The following POLR3B variants were observed in gnomAD, a reference collection of about 807,000 sequenced individuals.
The protein encoded by POLR3B is DNA-directed RNA polymerase III subunit RPC2.
POLR3B carries 96 observed loss-of-function variants against 147.4 expected under a neutral mutation model. The ratio of observed to expected loss-of-function variants is 0.65; its 90% CI spans 0.55 to 0.77. POLR3B has a LOEUF of 0.77. Among genes scored for constraint, POLR3B ranks in the 30% least tolerant of loss-of-function variants. The probability of loss-of-function intolerance (pLI) is 0.00; values close to 1 mark genes in which losing one functional copy is unlikely to be tolerated. For missense variants in POLR3B, 1,036 were observed against 1,413.5 expected (o/e 0.73, Z 4.28); for synonymous variants, 461 against 485.9 (o/e 0.95, Z 0.67).
intron 23 of POLR3B, among the ~76,000 whole-genome samples, chr12:106,493,417 CT>C (rs1350187315): frequency 1.3e-5 from 2 of 152,174 alleles, no homozygotes; most frequent in Non-Finnish European, 2.9e-5. Context: ...AAAGATAAGT[CT>C]GGTTCTAAGA....
chr12:106,372,496 C>T (rs2036621770), intron 6 of POLR3B, among the ~76,000 whole-genome samples: 1 of 151,830 alleles, frequency 6.6e-6, no homozygotes, highest in Non-Finnish European at 1.5e-5. Flanking sequence ...CGCCACCACG[C>T]CTGGCTAATT....
At chr12:106,383,611 A>G (rs1201168630) in intron 9 of POLR3B, among the ~76,000 whole-genome samples, 1 of 152,150 alleles carries the variant, frequency 6.6e-6, no homozygotes, top group Non-Finnish European at 1.5e-5. Context: ...CAACACACAC[A>G]TTTATAGATT....
At position 106,393,078 on chromosome 12, in the gene POLR3B, A is replaced by T. The variant is rs201822852; in HGVS notation, c.771A>T (p.Thr257=). The T allele has an allele frequency of 2.2e-5, 35 of 1,614,234 alleles. No individual in the cohort carries two copies. The East Asian group carries it at 7.6e-4, about 35-fold the overall frequency. Residue 257 remains threonine, a synonymous_variant, in exon 10 of 28, where the codon ACA becomes ACT. Transcript: ENST00000228347. ...SDQEIVQMIG[T]EEHVMAAFGP... ...AGGAAATTGTGCAGATGATTGGAAC[A>T]GAGGAGCACGTGATGGCTGCATTTG...
At chr12:106,428,596 T>A (rs567068895) in intron 13 of POLR3B, among the ~76,000 whole-genome samples, 10 of 152,204 alleles carry the variant, frequency 6.6e-5, no homozygotes, top group Non-Finnish European at 1.3e-4. Flanking sequence ...ATCTACTTGC[T>A]GCTTGCCAAC....
chr12:106,464,038 C>A (rs532044311), intron 23 of POLR3B, among the ~76,000 whole-genome samples: 7 of 152,112 alleles, frequency 4.6e-5, no homozygotes, highest in African/African-American at 1.4e-4. Context: ...TATCCGTCCC[C>A]TTGTTTACAG....
In POLR3B at chr12:106,430,388, A is replaced by G. The variant is rs1437588427; in HGVS notation, c.1379A>G (p.Glu460Gly). 1 of 1,613,850 alleles carries G rather than the reference A, an allele frequency of 6.2e-7. No individual in the cohort carries two copies. Among genetic ancestry groups the G allele is most frequent in the Non-Finnish European group, 8.5e-7 (1 of 1,179,950 alleles). ...GMMTRISSQF[E>G]KTRKVSGPRS... The stretch of plus-strand genomic sequence containing the variant: ...ATGACAAGAATCTCTTCCCAGTTTG[A>G]AAAAACGAGAAAAGTGAGTGGTCCT... The change falls in exon 14 of 28, where the codon GAA (glutamate) becomes GGA (glycine). Residue 460 changes from glutamate to glycine, a missense_variant. Glu to Gly is a moderately conservative substitution (Grantham distance 98). Transcript: ENST00000228347.
rs551180371 is a variant in POLR3B at position 106,492,164 on chromosome 12, T to C, written c.2714-3891T>C. ...ACCATTTTTTTCTTCTTTTCTTACC[T>C]TTTTTTTTCCTGCTTAAGATAGTCC... On this transcript the variant is annotated intron_variant, in intron 23 of 27. Coordinates refer to ENST00000228347, the MANE Select transcript of POLR3B (RefSeq NM_018082.6). Among the ~76,000 whole-genome samples, 128 of 151,640 alleles carry C rather than the reference T, an allele frequency of 8.4e-4. 1 individual carries two copies. The highest frequency in any genetic ancestry group is 2.9e-3 in the African/African-American group (118 of 41,354).
At chr12:106,454,450 A>G in intron 19 of POLR3B, 52 bp from the exon 20 acceptor site, 1 of 873,282 alleles carries the variant, frequency 1.1e-6, no homozygotes, top group South Asian at 1.3e-5. Flanking sequence ...TTACTACCTT[A>G]TTATTTCACA....
intron 23 of POLR3B, among the ~76,000 whole-genome samples, chr12:106,488,877 C>T (rs2038375624): frequency 6.6e-6 from 1 of 152,130 alleles, no homozygotes; most frequent in Non-Finnish European, 1.5e-5. Flanking sequence ...CAAAAATTAT[C>T]TGACAGCCCA....
Position 106,405,874 on chromosome 12 carries a change from G to A in POLR3B, c.864G>A (p.Gly288=), listed in dbSNP as rs376166938. ...FTQMQALKYI[G]NKVRRQRMWG... ...TTTTATAGGCATTAAAATATATAGG[G>A]AACAAAGTAAGAAGGCAAAGGATGT... The change falls in exon 11 of 28, where the codon GGG becomes GGA. Residue 288 remains glycine (G), a synonymous_variant. Coordinates refer to ENST00000228347, the MANE Select transcript of POLR3B (RefSeq NM_018082.6). 1.2e-6 allele frequency: 2 copies of A among 1,613,050 alleles called. No homozygotes were observed.
chr12:106,413,654 A>ATT (rs902155226), intron 12 of POLR3B, among the ~76,000 whole-genome samples: 1 of 146,536 alleles, frequency 6.8e-6, no homozygotes, highest in African/African-American at 2.5e-5. Context: ...AATTTCTTTT[A>ATT]TTTTTTTTTT....
chr12:106,437,365 GA>G (rs1385083448), intron 17 of POLR3B, among the ~76,000 whole-genome samples: 1 of 152,146 alleles, frequency 6.6e-6, no homozygotes, highest in Non-Finnish European at 1.5e-5. Flanking sequence ...TTTCTGGTAA[GA>G]AAAGGACTTA....
intron 19 of POLR3B, among the ~76,000 whole-genome samples, chr12:106,447,361 G>A (rs1176010980): frequency 1.3e-5 from 2 of 152,102 alleles, no homozygotes; most frequent in African/African-American, 4.8e-5. Context: ...TACCTTCTAT[G>A]TAAGAGAGCT....
rs750692716 is a variant in POLR3B, at chr12:106,380,117, T to G, written c.701T>G (p.Ile234Arg). The part of the protein sequence containing the change: ...YLRHNTLSED[I>R]PIVIIFKAMG... Reference sequence around the variant, plus strand: ...AGGCATAATACTTTGTCAGAAGATATACCCATTGTCATCATATTTAAGGTA... The same window carrying G: ...AGGCATAATACTTTGTCAGAAGATAGACCCATTGTCATCATATTTAAGGTA... The change falls in exon 9 of 28, where the codon ATA becomes AGA. Residue 234 changes from isoleucine (I) to arginine (R), a missense_variant. Coordinates refer to ENST00000228347, the MANE Select transcript of POLR3B (RefSeq NM_018082.6). 1 of 1,593,302 alleles carries G rather than the reference T, an allele frequency of 6.3e-7. No individual in the cohort carries two copies. The highest frequency in any genetic ancestry group is 1.3e-5 in the African/African-American group (1 of 74,654).
At chr12:106,496,544 C>T in intron 24 of POLR3B, 1 of 611,280 alleles carries the variant, frequency 1.6e-6, no homozygotes, top group Non-Finnish European at 2.9e-6. Flanking sequence ...TCAGTTTCTT[C>T]ATCTGTAAAA....
rs532887677 is a variant in POLR3B, at chr12:106,466,690, A to T, written c.2713+3070A>T. Among the ~76,000 whole-genome samples, 3 of 152,254 alleles carry T rather than the reference A, an allele frequency of 2.0e-5. No homozygotes were observed. The East Asian group carries it at 5.8e-4, about 29-fold the overall frequency. ...CATATGGCTAGCCAGTTTTCCCAAC[A>T]CCATTTATTAAATAGGGAATTTTTT... On this transcript the variant is annotated intron_variant, in intron 23 of 27. Transcript: ENST00000228347.
intron 19 of POLR3B, among the ~76,000 whole-genome samples, chr12:106,449,394 A>G (rs567654293): frequency 6.6e-6 from 1 of 152,258 alleles, no homozygotes; most frequent in Non-Finnish European, 1.5e-5. Context: ...TGACTCTTGA[A>G]CAACACAGAG....
intron 18 of POLR3B, among the ~76,000 whole-genome samples, chr12:106,443,110 A>C (rs1009419864): frequency 3.9e-5 from 6 of 152,208 alleles, no homozygotes; most frequent in African/African-American, 1.4e-4. Context: ...TATTTTGAAT[A>C]ATAGTTTTAT....
intron 19 of POLR3B, among the ~76,000 whole-genome samples, chr12:106,445,376 G>A (rs2037708284): frequency 6.6e-6 from 1 of 152,090 alleles, no homozygotes; most frequent in African/African-American, 2.4e-5. Flanking sequence ...AGTGAGAGTG[G>A]GTTTTTTCTG....
Sources: gnomAD v4.1 joint callset for allele counts (sites outside exome capture counted in the v4.1 genomes callset) on GRCh38, gnomAD v4.1.1 for gene constraint, MANE v1.5 for transcripts, NCBI Gene and HGNC (gene_info 2026-07-23, HGNC 2026-07-21) for gene names.